Variants in FAF1 observed in about 807,000 individuals in gnomAD.
FAF1 encodes Fas associated factor 1.
In FAF1, 25 loss-of-function variants were observed where a neutral mutation model predicts 92.5. The observed-to-expected ratio is 0.27, with a 90% CI of 0.20 to 0.38. The LOEUF (loss-of-function observed/expected upper bound fraction) is 0.38. Ranked by LOEUF, FAF1 falls within the 10% of genes least tolerant of loss-of-function variation. FAF1 has a pLI of 1.00. For missense variants in FAF1, 636 were observed against 793.3 expected (o/e 0.80, Z 2.38); for synonymous variants, 234 against 273.2 (o/e 0.86, Z 1.42).
At chr1:50,929,792 A>G (rs1645034647) in intron 1 of FAF1, among the ~76,000 whole-genome samples, 1 of 152,236 alleles carries the variant, frequency 6.6e-6, no homozygotes, top group African/African-American at 2.4e-5. Context: ...AAAGATTTAT[A>G]AGATTATTTA....
At chr1:50,902,348 T>A (rs866914961) in intron 1 of FAF1, among the ~76,000 whole-genome samples, 3 of 152,232 alleles carry the variant, frequency 2.0e-5, no homozygotes, top group South Asian at 2.1e-4. Context: ...AAATACACAC[T>A]ACATTTCTTA....
chr1:50,734,138 TTCC>T, intron 6 of FAF1, among the ~76,000 whole-genome samples: 1 of 152,152 alleles, frequency 6.6e-6, no homozygotes, highest in Non-Finnish European at 1.5e-5. Context: ...GTTTACATTT[TTCC>T]TACTTGCTGT....
At chr1:50,824,041 T>A (rs1195500726) in intron 2 of FAF1, among the ~76,000 whole-genome samples, 1 of 152,172 alleles carries the variant, frequency 6.6e-6, no homozygotes. Flanking sequence ...AGACTAAATC[T>A]GGTAAAGAGA....
chr1:50,748,491 C>A (rs1659718345), intron 4 of FAF1, among the ~76,000 whole-genome samples: 5 of 127,662 alleles, frequency 3.9e-5, no homozygotes, highest in African/African-American at 1.1e-4. Flanking sequence ...AACTCTGTCT[C>A]AAAAAAAAAA....
At chr1:50,626,685 A>T (rs1223631405) in intron 8 of FAF1, among the ~76,000 whole-genome samples, 1 of 152,122 alleles carries the variant, frequency 6.6e-6, no homozygotes, top group African/African-American at 2.4e-5. Context: ...TTAAGCAGGG[A>T]GATTACTTGA....
chr1:50,791,687 G>A (rs558479377), intron 3 of FAF1, among the ~76,000 whole-genome samples: 21 of 152,270 alleles, frequency 1.4e-4, no homozygotes, highest in African/African-American at 4.3e-4. Flanking sequence ...TCTCCTCTGC[G>A]CTTCATGATT....
chr1:50,703,024 A>T (rs7539478), intron 7 of FAF1, among the ~76,000 whole-genome samples: 64,536 of 150,604 alleles, frequency 0.43, 14,908 homozygotes, highest in African/African-American at 0.57. Flanking sequence ...TATATATATA[A>T]AATACACTAA....
intron 13 of FAF1, among the ~76,000 whole-genome samples, chr1:50,557,744 ATAT>A (rs1403612318): frequency 6.6e-6 from 1 of 152,114 alleles, no homozygotes; most frequent in Non-Finnish European, 1.5e-5. Context: ...GGCATAGGTG[ATAT>A]TATTTAGTAA....
intron 15 of FAF1, among the ~76,000 whole-genome samples, chr1:50,532,042 T>C (rs764586637): frequency 4.3e-4 from 65 of 152,298 alleles, no homozygotes; most frequent in Admixed American, 2.6e-3. Flanking sequence ...GGACAGTGTT[T>C]CTTGTCACAT....
intron 7 of FAF1, among the ~76,000 whole-genome samples, chr1:50,697,049 C>G (rs545693648): frequency 1.3e-5 from 2 of 152,342 alleles, no homozygotes; most frequent in Admixed American, 6.5e-5. Context: ...GAAATTCACA[C>G]AATCCCAGGA....
At chr1:50,496,886 T>G (rs1380468974) in intron 15 of FAF1, among the ~76,000 whole-genome samples, 1 of 118,368 alleles carries the variant, frequency 8.4e-6, no homozygotes, top group Non-Finnish European at 1.8e-5. Flanking sequence ...TCAAACTCCA[T>G]CTCAAAAAAA....
At chr1:50,547,737 T>G (rs1007304625) in intron 13 of FAF1, among the ~76,000 whole-genome samples, 1 of 152,160 alleles carries the variant, frequency 6.6e-6, no homozygotes, top group African/African-American at 2.4e-5. Context: ...TTCTTAATCT[T>G]TCTCCTTGTT....
chr1:50,959,774 TCCG>T lies in FAF1; in HGVS notation c.35_37del (p.Ala12del). The T allele has an allele frequency of 6.2e-7, 1 of 1,601,302 alleles. No individual in the cohort carries two copies. Among genetic ancestry groups the T allele is most frequent in the Non-Finnish European group, 8.5e-7 (1 of 1,173,548 alleles). ...GAGGGCCAGATACTTCACCTGAAAATCCGCCAGGATCATCTCCCGGTCCATGTT... is the reference window on the plus strand; with the variant it reads ...GAGGGCCAGATACTTCACCTGAAAATCCAGGATCATCTCCCGGTCCATGTT... On this transcript the variant is annotated inframe_deletion, in exon 1 of 19. Transcript: ENST00000396153.
At chr1:50,638,540 G>A (rs1430285403) in intron 8 of FAF1, among the ~76,000 whole-genome samples, 1 of 151,322 alleles carries the variant, frequency 6.6e-6, no homozygotes, top group Non-Finnish European at 1.5e-5. Context: ...TGCCTCATGG[G>A]TTCAAGCAAT....
chr1:50,759,947 C>T (rs1332080698), intron 4 of FAF1, among the ~76,000 whole-genome samples: 1 of 152,216 alleles, frequency 6.6e-6, no homozygotes, highest in Middle Eastern at 3.4e-3. Flanking sequence ...GCATAAATAT[C>T]TTCTTTTGAG....
intron 7 of FAF1, among the ~76,000 whole-genome samples, chr1:50,668,505 G>A (rs1030243115): frequency 6.6e-6 from 1 of 152,194 alleles, no homozygotes; most frequent in Non-Finnish European, 1.5e-5. Flanking sequence ...CCTTGGCCAT[G>A]AGCAAAGTTA....
chr1:50,581,393 C>G (rs989275540), intron 12 of FAF1, among the ~76,000 whole-genome samples: 5 of 152,178 alleles, frequency 3.3e-5, no homozygotes, highest in African/African-American at 9.7e-5. Context: ...TCCTTGCACT[C>G]TGTTCTCAAA....
intron 2 of FAF1, among the ~76,000 whole-genome samples, chr1:50,832,626 A>G (rs1644164485): frequency 6.6e-6 from 1 of 152,198 alleles, no homozygotes; most frequent in African/African-American, 2.4e-5. Flanking sequence ...CCTCAAAACC[A>G]AAACTTTACA....
At chr1:50,848,274 T>C (rs1486030205) in intron 2 of FAF1, among the ~76,000 whole-genome samples, 1 of 152,208 alleles carries the variant, frequency 6.6e-6, no homozygotes, top group African/African-American at 2.4e-5. Context: ...TCCTGGCATA[T>C]GCAAAAGTAA....
Sources: gnomAD v4.1 joint callset for allele counts (sites outside exome capture counted in the v4.1 genomes callset) on GRCh38, gnomAD v4.1.1 for gene constraint, MANE v1.5 for transcripts, NCBI Gene and HGNC (gene_info 2026-07-23, HGNC 2026-07-21) for gene names.